The following SETD5 variants were observed in gnomAD, a reference collection of about 807,000 sequenced individuals.
The protein encoded by SETD5 is histone-lysine N-methyltransferase SETD5.
In SETD5, 44 loss-of-function variants were observed where a neutral mutation model predicts 153.3. That is an observed-to-expected ratio of 0.29 (90% CI 0.23 to 0.37). The LOEUF (loss-of-function observed/expected upper bound fraction) is 0.37, where lower values mean the gene tolerates loss of function less well. Among genes scored for constraint, SETD5 ranks in the 10% least tolerant of loss-of-function variants. SETD5 has a pLI of 1.00. For synonymous variants in SETD5, 716 were observed against 645.2 expected, an observed-to-expected ratio of 1.11 and a Z score of -1.66; for missense variants, 1,544 against 1,768.0, an observed-to-expected ratio of 0.87 and a Z score of 2.27.
At chr3:9,401,870 T>G (rs1013698229) in intron 1 of SETD5, among the ~76,000 whole-genome samples, 5 of 152,356 alleles carry the variant, frequency 3.3e-5, no homozygotes, top group Admixed American at 3.3e-4. Context: ...ATATTTTGTT[T>G]GAGGCATCAA....
At chr3:9,429,725 T>C (rs1244497545) in intron 3 of SETD5, 3 of 723,994 alleles carry the variant, frequency 4.1e-6, no homozygotes, top group Non-Finnish European at 5.7e-6. Context: ...ATTTTTAGTC[T>C]TTTGTATCCC....
At chr3:9,474,839 A>C (rs979690589) in intron 21 of SETD5, 7 of 622,646 alleles carry the variant, frequency 1.1e-5, no homozygotes, top group Non-Finnish European at 1.9e-5. Context: ...CTGGAAATCT[A>C]CCTCGATGAA....
At chr3:9,449,869 T>C (rs1440224791) in intron 16 of SETD5, among the ~76,000 whole-genome samples, 1 of 152,214 alleles carries the variant, frequency 6.6e-6, no homozygotes, top group East Asian at 1.9e-4. Context: ...AAAGAGAAAT[T>C]TGACCATTTC....
intron 19 of SETD5, 91 bp from the exon 20 acceptor site, chr3:9,473,145 A>G (rs2045505639): frequency 7.0e-7 from 1 of 1,433,256 alleles, no homozygotes; most frequent in Non-Finnish European, 9.3e-7. Flanking sequence ...TTACTAAGGT[A>G]CCATCTTTCC....
chr3:9,425,055 CTTTTTTTTT>C (rs778883904), intron 2 of SETD5, among the ~76,000 whole-genome samples: 4 of 83,682 alleles, frequency 4.8e-5, no homozygotes, highest in South Asian at 4.2e-4. Context: ...GACAATGTTT[CTTTTTTTTT>C]TTTTTTTTTT....
At chr3:9,445,560 C>G in intron 12 of SETD5, 97 bp from the exon 13 acceptor site, 1 of 1,113,406 alleles carries the variant, frequency 9.0e-7, no homozygotes, top group East Asian at 2.4e-5. Flanking sequence ...GTTTAAAGCA[C>G]TAGAGATTGT....
At chr3:9,456,932 C>T (rs1420868816) in intron 17 of SETD5, among the ~76,000 whole-genome samples, 3 of 151,770 alleles carry the variant, frequency 2.0e-5, no homozygotes, top group South Asian at 2.1e-4. Flanking sequence ...GCCAAGGTCA[C>T]GCCACTGCAC....
intron 16 of SETD5, among the ~76,000 whole-genome samples, chr3:9,453,505 G>T (rs2042867549): frequency 1.3e-5 from 2 of 152,006 alleles, no homozygotes; most frequent in South Asian, 4.1e-4. Flanking sequence ...ATTGGTTTTT[G>T]TCTTTTGATG....
chr3:9,423,678 G>A (rs1424703817), intron 1 of SETD5, among the ~76,000 whole-genome samples: 1 of 151,900 alleles, frequency 6.6e-6, no homozygotes, highest in Non-Finnish European at 1.5e-5. Flanking sequence ...TTTAAAATTA[G>A]AAATCATAAA....
At chr3:9,449,737 A>C (rs1476261950) in intron 16 of SETD5, 3 of 152,386 alleles carry the variant, frequency 2.0e-5, no homozygotes, top group African/African-American at 7.2e-5. Context: ...GAATCTGCAA[A>C]AAGGAAGGAC....
At chr3:9,462,052 A>G (rs1405940588) in intron 17 of SETD5, among the ~76,000 whole-genome samples, 1 of 152,234 alleles carries the variant, frequency 6.6e-6, no homozygotes, top group Non-Finnish European at 1.5e-5. Context: ...TGCATCTTCA[A>G]TAATTTTTTG....
At position 9,475,066 on chromosome 3, in the gene SETD5, A is replaced by C; in HGVS notation, c.3632-2A>C. On this transcript the variant is annotated splice_acceptor_variant, in intron 21 of 22. Coordinates refer to ENST00000402198, the MANE Select transcript of SETD5 (RefSeq NM_001080517.3). LOFTEE classifies it high-confidence loss of function. ...TTTTTTTTTATATATGTTACCTTCC[A>C]GACCCTGCAGATGGAGAAGGCCCAG... The C allele has an allele frequency of 6.3e-7, 1 of 1,577,654 alleles. No individual in the cohort carries two copies. Among genetic ancestry groups the C allele is most frequent in the Non-Finnish European group, 8.6e-7 (1 of 1,161,838 alleles).
chr3:9,419,039 C>T (rs559383197), intron 1 of SETD5, among the ~76,000 whole-genome samples: 2 of 152,010 alleles, frequency 1.3e-5, no homozygotes, highest in Non-Finnish European at 2.9e-5. Flanking sequence ...CTTGGCCAGG[C>T]TGGTCTCAAA....
chr3:9,400,810 G>GCCCCTTAGGTGATCT (rs1026111184), intron 1 of SETD5, among the ~76,000 whole-genome samples: 12 of 152,148 alleles, frequency 7.9e-5, no homozygotes, highest in African/African-American at 2.9e-4. Context: ...TGGCCTCTGA[G>GCCCCTTAGGTGATCT]CCCCTTAGGT....
chr3:9,411,452 C>T (rs963388982), intron 1 of SETD5, among the ~76,000 whole-genome samples: 7 of 152,116 alleles, frequency 4.6e-5, no homozygotes, highest in South Asian at 2.1e-4. Context: ...TTCAGCAATA[C>T]GTCACTTTCT....
chr3:9,427,601 C>T (rs1309228094), intron 2 of SETD5, among the ~76,000 whole-genome samples: 1 of 152,154 alleles, frequency 6.6e-6, no homozygotes, highest in African/African-American at 2.4e-5. Flanking sequence ...CAGTCGGTAT[C>T]ATGTACTTTT....
chr3:9,416,835 T>C (rs1351210592), intron 1 of SETD5, among the ~76,000 whole-genome samples: 1 of 152,164 alleles, frequency 6.6e-6, no homozygotes, highest in Non-Finnish European at 1.5e-5. Flanking sequence ...AGAGAGGTTA[T>C]AGATAAAATA....
At chr3:9,441,416 T>A (rs1366088167) in intron 8 of SETD5, among the ~76,000 whole-genome samples, 177 bp from the exon 9 acceptor site, 2 of 152,032 alleles carry the variant, frequency 1.3e-5, no homozygotes, top group African/African-American at 2.4e-5. Context: ...AGATGTAGCA[T>A]GTCTCTTAGA....
intron 17 of SETD5, among the ~76,000 whole-genome samples, chr3:9,457,023 A>G (rs2043338772): frequency 6.6e-6 from 1 of 150,632 alleles, no homozygotes; most frequent in Admixed American, 6.7e-5. Flanking sequence ...GAAAAGAGAA[A>G]AGAAAAGAAG....
Sources: gnomAD v4.1 joint callset for allele counts (sites outside exome capture counted in the v4.1 genomes callset) on GRCh38, gnomAD v4.1.1 for gene constraint, MANE v1.5 for transcripts, NCBI Gene and HGNC (gene_info 2026-07-23, HGNC 2026-07-21) for gene names.